CORO1C: variants seen among roughly 807,000 people sequenced by gnomAD.
The protein encoded by CORO1C is coronin-1C.
In CORO1C, 14 loss-of-function variants were observed where a neutral mutation model predicts 51.2. The observed-to-expected ratio is 0.27, with a 90% CI of 0.18 to 0.43. The LOEUF (loss-of-function observed/expected upper bound fraction) is 0.43, where lower values mean the gene tolerates loss of function less well. CORO1C is among the 20% of genes least tolerant of loss of function. The probability of loss-of-function intolerance (pLI) is 1.00; values close to 1 mark genes in which losing one functional copy is unlikely to be tolerated. For synonymous variants in CORO1C, 181 were observed against 210.5 expected (o/e 0.86, Z 1.21); for missense variants, 417 against 607.8 (o/e 0.69, Z 3.30).
intron 1 of CORO1C, among the ~76,000 whole-genome samples, chr12:108,721,552 C>G (rs1304672531): frequency 6.6e-6 from 1 of 152,104 alleles, no homozygotes; most frequent in Non-Finnish European, 1.5e-5. Flanking sequence ...ATTAAGCTTG[C>G]CATAAGACTT....
chr12:108,680,224 A>G (rs528462769), intron 2 of CORO1C, among the ~76,000 whole-genome samples: 1 of 152,330 alleles, frequency 6.6e-6, no homozygotes, highest in Admixed American at 6.5e-5. Context: ...GAAGGAAGAC[A>G]TTCAAGCAGG....
At chr12:108,728,984 G>C (rs1029685217) in intron 1 of CORO1C, among the ~76,000 whole-genome samples, 3 of 152,156 alleles carry the variant, frequency 2.0e-5, no homozygotes, top group Non-Finnish European at 2.9e-5. Flanking sequence ...CCCTGGAAAA[G>C]AGGTCAAAGG....
chr12:108,682,144 A>G (rs1170593641), intron 2 of CORO1C, among the ~76,000 whole-genome samples: 2 of 152,102 alleles, frequency 1.3e-5, no homozygotes, highest in African/African-American at 4.8e-5. Flanking sequence ...AGGACCAAAG[A>G]AAGTATGAAT....
chr12:108,690,843 T>C (rs2034469482), intron 2 of CORO1C, among the ~76,000 whole-genome samples: 1 of 152,212 alleles, frequency 6.6e-6, no homozygotes, highest in Non-Finnish European at 1.5e-5. Context: ...GAACTACAGA[T>C]GTAAATGCAA....
intron 1 of CORO1C, among the ~76,000 whole-genome samples, chr12:108,723,271 T>A (rs541341038): frequency 8.5e-5 from 13 of 152,388 alleles, no homozygotes; most frequent in South Asian, 2.1e-4. Context: ...TGAGTTTTTA[T>A]GTTAATAAAT....
intron 8 of CORO1C, among the ~76,000 whole-genome samples, chr12:108,651,037 C>T (rs573300217): frequency 3.9e-5 from 6 of 152,302 alleles, no homozygotes; most frequent in African/African-American, 1.2e-4. Context: ...CGGCTCACTC[C>T]GCCTCCTGGG....
chr12:108,646,524 CAATATGATCCT>C lies in CORO1C; in HGVS notation c.*868_*878del, dbSNP rs1349540981. ...AACATGATGTTTAAAGTGATGAATG[CAATATGATCCT>C]AGGTGTGTAACAAACTGCAGAAACA... On this transcript the variant is annotated 3_prime_UTR_variant, in exon 11 of 11. Coordinates refer to ENST00000261401, the MANE Select transcript of CORO1C (RefSeq NM_014325.4). 1 of 152,154 alleles carries C rather than the reference CAATATGATCCT, an allele frequency of 6.6e-6. No homozygotes were observed. The highest frequency in any genetic ancestry group is 1.5e-5 in the Non-Finnish European group (1 of 68,028). The allele number at this position is 152,154 out of a possible 1,614,324, so 9.4% of individuals were successfully genotyped here.
chr12:108,675,460 T>A (rs2033873935), intron 3 of CORO1C, among the ~76,000 whole-genome samples: 1 of 152,058 alleles, frequency 6.6e-6, no homozygotes, highest in South Asian at 2.1e-4. Context: ...TCAAATATGT[T>A]CAAATCCATG....
At chr12:108,661,818 G>C (rs140104353) in intron 4 of CORO1C, among the ~76,000 whole-genome samples, 1 of 152,162 alleles carries the variant, frequency 6.6e-6, no homozygotes, top group Non-Finnish European at 1.5e-5. Context: ...TCCTCAGGTT[G>C]TCGAAATGGC....
At chr12:108,703,363 TTATCTCCACTCCTTCC>T (rs1156824715) in intron 1 of CORO1C, among the ~76,000 whole-genome samples, 1 of 152,120 alleles carries the variant, frequency 6.6e-6, no homozygotes, top group Non-Finnish European at 1.5e-5. Flanking sequence ...CAAACAGCAC[TTATCTCCACTCCTTCC>T]TAAAATCCTA....
intron 1 of CORO1C, among the ~76,000 whole-genome samples, chr12:108,714,468 C>T (rs544068026): frequency 6.6e-6 from 1 of 151,410 alleles, no homozygotes; most frequent in East Asian, 2.0e-4. Flanking sequence ...ACACACACAC[C>T]CCAAGGATAG....
chr12:108,682,378 A>G (rs2034153318), intron 2 of CORO1C, among the ~76,000 whole-genome samples: 1 of 152,184 alleles, frequency 6.6e-6, no homozygotes, highest in South Asian at 2.1e-4. Flanking sequence ...GCGGCATATT[A>G]AAAAGTATAC....
At chr12:108,705,734 C>T (rs893183774) in intron 1 of CORO1C, among the ~76,000 whole-genome samples, 23 of 151,990 alleles carry the variant, frequency 1.5e-4, no homozygotes, top group African/African-American at 5.6e-4. Context: ...TACCAGCAAA[C>T]GAAATCAAGC....
Position 108,691,105 on chromosome 12 carries a change from G to A in CORO1C, c.195+10019C>T, listed in dbSNP as rs117615354. Among the ~76,000 whole-genome samples, 30 of 151,934 alleles carry A rather than the reference G, an allele frequency of 2.0e-4. No individual in the cohort carries two copies. In the East Asian group the frequency reaches 5.6e-3, roughly 28 times the overall value. ...TATTACAACTTTTTTTGGGGGGTGGGAGGGGCTAATGCCTTGGGCTCCATG... is the reference window on the plus strand; with the variant it reads ...TATTACAACTTTTTTTGGGGGGTGGAAGGGGCTAATGCCTTGGGCTCCATG... On this transcript the variant is annotated intron_variant, in intron 2 of 10. Transcript: ENST00000261401.
chr12:108,658,931 A>G lies in CORO1C; in HGVS notation c.449-12T>C, dbSNP rs1050532962. ...GGCATTATCACAGCCTAAAACAGGCAAAACCATCAGAGATTAGAAGATTAG... is the reference window on the plus strand; with the variant it reads ...GGCATTATCACAGCCTAAAACAGGCGAAACCATCAGAGATTAGAAGATTAG... On this transcript the variant is annotated splice_polypyrimidine_tract_variant and intron_variant, in intron 4 of 10. Transcript: ENST00000261401. The surrounding 1 kb of genome is among the most constrained non-coding windows in gnomAD (Gnocchi z 4.9). 1.3e-6 allele frequency: 2 copies of G among 1,599,192 alleles called. No homozygotes were observed. Among genetic ancestry groups the G allele is most frequent in the African/African-American group, 2.7e-5 (2 of 74,706 alleles).
At chr12:108,671,151 T>C (rs1482340863) in intron 3 of CORO1C, among the ~76,000 whole-genome samples, 1 of 151,818 alleles carries the variant, frequency 6.6e-6, no homozygotes, top group African/African-American at 2.4e-5. Context: ...TGGACAACAT[T>C]GTGAGAAACC....
At chr12:108,676,412 G>A (rs942787325) in intron 3 of CORO1C, among the ~76,000 whole-genome samples, 3 of 152,160 alleles carry the variant, frequency 2.0e-5, no homozygotes, top group African/African-American at 7.2e-5. Context: ...TAATGCTAGA[G>A]ACAGGGAGAG....
At chr12:108,702,219 C>T (rs899837372) in intron 1 of CORO1C, among the ~76,000 whole-genome samples, 2 of 152,092 alleles carry the variant, frequency 1.3e-5, no homozygotes, top group African/African-American at 2.4e-5. Flanking sequence ...TGAGGAAGGC[C>T]TGGAGTGATA....
At chr12:108,665,759 G>A (rs1028711533) in intron 3 of CORO1C, among the ~76,000 whole-genome samples, 1 of 152,356 alleles carries the variant, frequency 6.6e-6, no homozygotes, top group South Asian at 2.1e-4. Flanking sequence ...CCAGAATGCA[G>A]AGACAGTACA....
Sources: allele counts gnomAD v4.1 joint callset (sites outside exome capture counted in the v4.1 genomes callset), GRCh38; gene constraint gnomAD v4.1.1; non-coding constraint Gnocchi (gnomAD v3.1); transcripts MANE v1.5; gene names NCBI Gene and HGNC (gene_info 2026-07-23, HGNC 2026-07-21).